Variants in LINGO2 observed in about 807,000 individuals in gnomAD.
The protein encoded by LINGO2 is leucine rich repeat and Ig domain containing 2.
Under a neutral mutation model 30.6 loss-of-function variants are expected in LINGO2, and 14 were observed. The ratio of observed to expected loss-of-function variants is 0.46; its 90% CI spans 0.30 to 0.72. The LOEUF is 0.72. Among genes scored for constraint, LINGO2 ranks in the 30% least tolerant of loss-of-function variants. The pLI is 0.07. For missense variants in LINGO2, 729 were observed against 751.7 expected (o/e 0.97, Z 0.35); for synonymous variants, 317 against 288.5 (o/e 1.10, Z -1.00).
intron 4 of LINGO2, among the ~76,000 whole-genome samples, chr9:28,277,838 A>G (rs1274160795): frequency 2.7e-5 from 3 of 111,056 alleles, no homozygotes; most frequent in African/African-American, 1.2e-4. Flanking sequence ...AAAACAAAAC[A>G]AAAAAAAAAA....
chr9:28,054,516 T>C (rs911120456), intron 4 of LINGO2, among the ~76,000 whole-genome samples: 2 of 152,122 alleles, frequency 1.3e-5, no homozygotes, highest in Non-Finnish European at 2.9e-5. Context: ...ATTAAGAAAT[T>C]AGTGTTATGT....
the LINGO2 span, among the ~76,000 whole-genome samples, chr9:28,769,500 ATATATATATATATATATATTTTTTTTTTT>A: frequency 0.071 from 393 of 5,514 alleles, 71 homozygotes; most frequent in Admixed American, 0.1. Flanking sequence ...ATATATATAT[ATATATATATATATATATATTTTTTTTTTT>A]TTTTTTTTTT....
the LINGO2 span, among the ~76,000 whole-genome samples, chr9:28,918,191 A>T: frequency 6.6e-6 from 1 of 152,162 alleles, no homozygotes; most frequent in Non-Finnish European, 1.5e-5. Flanking sequence ...GGTGAAGGGC[A>T]CTTCTTACAT....
At chr9:27,987,090 C>CG (rs1821160016) in intron 5 of LINGO2, among the ~76,000 whole-genome samples, 2 of 151,400 alleles carry the variant, frequency 1.3e-5, no homozygotes, top group Non-Finnish European at 3.0e-5. Flanking sequence ...ACATGTCAGT[C>CG]AACTACTCAA....
chr9:28,168,977 C>T (rs1330392161), intron 4 of LINGO2, among the ~76,000 whole-genome samples: 1 of 152,174 alleles, frequency 6.6e-6, no homozygotes, highest in African/African-American at 2.4e-5. Flanking sequence ...GTGCCAGGTA[C>T]TATGTTAACT....
intron 1 of LINGO2, among the ~76,000 whole-genome samples, chr9:28,590,171 CT>C: frequency 1.3e-5 from 2 of 152,176 alleles, no homozygotes; most frequent in Middle Eastern, 6.8e-3. Context: ...GGATTAAAGC[CT>C]TACATGTTAG....
the LINGO2 span, among the ~76,000 whole-genome samples, chr9:28,729,453 AGAGG>A: frequency 1.3e-5 from 2 of 152,292 alleles, no homozygotes; most frequent in Non-Finnish European, 2.9e-5. Context: ...AAACTTAAAA[AGAGG>A]GAGAGGAAGT....
chr9:28,594,465 T>C (rs534219660), intron 1 of LINGO2, among the ~76,000 whole-genome samples: 1 of 152,192 alleles, frequency 6.6e-6, no homozygotes, highest in East Asian at 1.9e-4. Flanking sequence ...GCAAATACAC[T>C]TTACAGTAAA....
intron 4 of LINGO2, among the ~76,000 whole-genome samples, chr9:28,273,100 A>C (rs190266565): frequency 1.3e-5 from 2 of 152,304 alleles, no homozygotes; most frequent in East Asian, 3.9e-4. Context: ...GTTTTCAATA[A>C]ATATCTGTGG....
chr9:29,047,413 A>G, the LINGO2 span, among the ~76,000 whole-genome samples: 1 of 152,152 alleles, frequency 6.6e-6, no homozygotes, highest in Non-Finnish European at 1.5e-5. Context: ...GCAGTCTATA[A>G]GAGAATGCTA....
chr9:28,043,737 C>CCA (rs1357583436), intron 4 of LINGO2, among the ~76,000 whole-genome samples: 1 of 152,176 alleles, frequency 6.6e-6, no homozygotes, highest in Non-Finnish European at 1.5e-5. Context: ...ACCCAATCCT[C>CCA]CACCTCACAT....
chr9:28,631,680 A>T (rs1826949838), intron 1 of LINGO2, among the ~76,000 whole-genome samples: 1 of 152,078 alleles, frequency 6.6e-6, no homozygotes, highest in Non-Finnish European at 1.5e-5. Context: ...TTAGGTACAG[A>T]TGGCAAACAG....
chr9:27,949,337 C>G (rs565403765), exon 6 of LINGO2: 18 of 1,614,136 alleles, frequency 1.1e-5, no homozygotes, highest in Non-Finnish European at 1.4e-5. Context: ...TTCGGGGTGT[C>G]ACCCAGGAAA....
chr9:29,003,001 C>T, the LINGO2 span, among the ~76,000 whole-genome samples: 134,136 of 151,976 alleles, frequency 0.88, 59,648 homozygotes, highest in Non-Finnish European at 0.93. Context: ...GGTGTCCTTA[C>T]AAGAAGAAGA....
intron 1 of LINGO2, among the ~76,000 whole-genome samples, chr9:28,553,498 T>G (rs915142132): frequency 6.6e-6 from 1 of 151,896 alleles, no homozygotes; most frequent in African/African-American, 2.4e-5. Context: ...TGGGACTATG[T>G]GAAAAGACCA....
At chr9:29,114,035 C>G in the LINGO2 span, among the ~76,000 whole-genome samples, 32 of 151,772 alleles carry the variant, frequency 2.1e-4, no homozygotes, top group Non-Finnish European at 3.2e-4. Context: ...TCTCAGCTAA[C>G]AAGCATAATT....
chr9:28,079,480 A>T (rs1030611150), intron 4 of LINGO2, among the ~76,000 whole-genome samples: 3 of 152,178 alleles, frequency 2.0e-5, no homozygotes, highest in Non-Finnish European at 4.4e-5. Context: ...CCTTTATAAA[A>T]CTACTTTATC....
rs891760819 is a variant in LINGO2 at position 28,076,665 on chromosome 9, T to TA, written c.-86-64261dup. Among the ~76,000 whole-genome samples the TA allele has an allele frequency of 1.3e-3, 199 of 151,838 alleles. 1 individual carries two copies. The highest frequency in any genetic ancestry group is 4.7e-3 in the African/African-American group (194 of 41,486). Reference sequence around the variant, plus strand: ...AAGTTAAGGTCTTTTGCTGATAAATTAAAAAAAAATTCTGGAATGGAATTT... The same window carrying TA: ...AAGTTAAGGTCTTTTGCTGATAAATTAAAAAAAAAATTCTGGAATGGAATTT... On this transcript the variant is annotated intron_variant, in intron 4 of 5. Transcript: ENST00000379992.
the LINGO2 span, among the ~76,000 whole-genome samples, chr9:28,756,571 C>T: frequency 6.6e-6 from 1 of 151,626 alleles, no homozygotes; most frequent in East Asian, 1.9e-4. Context: ...GCTCGGTGTC[C>T]CAAACAAATT....
Sources: gnomAD v4.1 joint callset for allele counts (sites outside exome capture counted in the v4.1 genomes callset) on GRCh38, gnomAD v4.1.1 for gene constraint, MANE v1.5 for transcripts, NCBI Gene and HGNC (gene_info 2026-07-23, HGNC 2026-07-21) for gene names.